ROBO1: variants seen among roughly 807,000 people sequenced by gnomAD.
ROBO1 encodes the protein roundabout guidance receptor 1.
A neutral mutation model predicts 195.9 loss-of-function variants in ROBO1; 149 were observed. The ratio of observed to expected loss-of-function variants is 0.76; its 90% CI spans 0.67 to 0.87. ROBO1 has a LOEUF of 0.87. Among genes scored for constraint, ROBO1 ranks in the 40% least tolerant of loss-of-function variants. The pLI is 0.00. For synonymous variants in ROBO1, 816 were observed against 733.2 expected (o/e 1.11, Z -1.82); for missense variants, 1,933 against 2,068.3 (o/e 0.93, Z 1.27).
At chr3:78,844,734 A>G (rs956548084) in intron 4 of ROBO1, among the ~76,000 whole-genome samples, 3 of 152,104 alleles carry the variant, frequency 2.0e-5, no homozygotes, top group Non-Finnish European at 4.4e-5. Context: ...TTTTAAATGC[A>G]AATTTTTACA....
At chr3:79,201,393 T>C (rs1054740011) in intron 2 of ROBO1, among the ~76,000 whole-genome samples, 3 of 151,986 alleles carry the variant, frequency 2.0e-5, no homozygotes, top group African/African-American at 7.2e-5. Flanking sequence ...AGTACTTTTA[T>C]AGTGCTCATG....
At chr3:79,742,341 C>G (rs1703682492) in intron 1 of ROBO1, among the ~76,000 whole-genome samples, 1 of 152,196 alleles carries the variant, frequency 6.6e-6, no homozygotes, top group Non-Finnish European at 1.5e-5. Context: ...TTTGCAGTCT[C>G]TGGACATAGC....
chr3:79,596,698 A>T (rs2107845342), intron 1 of ROBO1, among the ~76,000 whole-genome samples: 1 of 152,164 alleles, frequency 6.6e-6, no homozygotes, highest in East Asian at 1.9e-4. Context: ...ATATACAGTT[A>T]GCAAATAAAG....
intron 2 of ROBO1, among the ~76,000 whole-genome samples, chr3:79,554,637 A>T (rs1223461717): frequency 2.0e-5 from 3 of 152,042 alleles, no homozygotes; most frequent in African/African-American, 7.2e-5. Flanking sequence ...TGTTGAACAA[A>T]CTCCTGAAAA....
chr3:78,780,615 ACT>A (rs1230619190), intron 4 of ROBO1, among the ~76,000 whole-genome samples: 1 of 151,904 alleles, frequency 6.6e-6, no homozygotes, highest in Non-Finnish European at 1.5e-5. Flanking sequence ...CCCTGTGGAA[ACT>A]CTTTTCACAT....
At chr3:79,086,688 C>A (rs550769299) in intron 3 of ROBO1, among the ~76,000 whole-genome samples, 82 of 152,270 alleles carry the variant, frequency 5.4e-4, no homozygotes, top group Admixed American at 2.2e-3. Flanking sequence ...AGTATGCAGA[C>A]ACCTCAATTC....
intron 10 of ROBO1, among the ~76,000 whole-genome samples, chr3:78,672,594 C>CAAAAAAAAAAAAAAA: frequency 1.4e-5 from 1 of 73,936 alleles, no homozygotes; most frequent in Non-Finnish European, 2.6e-5. Flanking sequence ...GACCCTGTCT[C>CAAAAAAAAAAAAAAA]AAAAAAAAAA....
intron 14 of ROBO1, among the ~76,000 whole-genome samples, chr3:78,663,762 T>C (rs937106612): frequency 2.6e-5 from 4 of 152,184 alleles, no homozygotes; most frequent in African/African-American, 9.7e-5. Context: ...GTATATAGCA[T>C]AGTGCCATAT....
intron 2 of ROBO1, among the ~76,000 whole-genome samples, chr3:79,439,915 G>A (rs1244774036): frequency 6.6e-6 from 1 of 152,050 alleles, no homozygotes; most frequent in Non-Finnish European, 1.5e-5. Flanking sequence ...AATAATCAGG[G>A]AAGAGAGTGA....
chr3:78,762,819 T>C (rs1475816202), intron 4 of ROBO1, among the ~76,000 whole-genome samples: 1 of 152,116 alleles, frequency 6.6e-6, no homozygotes, highest in African/African-American at 2.4e-5. Flanking sequence ...TAAAATGATA[T>C]TATTTCTCTT....
At position 78,851,504 on chromosome 3, in the gene ROBO1, C is replaced by T. The variant is rs189847841; in HGVS notation, c.499+87097G>A. 1.8e-3 allele frequency among the ~76,000 whole-genome samples: 275 copies of T among 152,238 alleles called. 1 individual carries two copies. The highest frequency in any genetic ancestry group is 6.3e-3 in the African/African-American group (262 of 41,546). ...CAGAGTAGCTGTGGATATTATACTC[C>T]ATGGAGAGCACTTGGCACATTTCCT... On this transcript the variant is annotated intron_variant, in intron 4 of 30. Coordinates refer to ENST00000464233, the MANE Select transcript of ROBO1 (RefSeq NM_002941.4).
At chr3:79,597,199 GGT>G (rs1431335568) in intron 1 of ROBO1, among the ~76,000 whole-genome samples, 1 of 151,540 alleles carries the variant, frequency 6.6e-6, no homozygotes, top group Non-Finnish European at 1.5e-5. Context: ...TAGATAATAC[GGT>G]GTGTATAAGT....
chr3:79,006,254 A>T (rs1297180376), intron 3 of ROBO1, among the ~76,000 whole-genome samples: 3 of 120,270 alleles, frequency 2.5e-5, no homozygotes, highest in African/African-American at 7.6e-5. Context: ...TGTAAAATGT[A>T]AATAGCTACC....
intron 1 of ROBO1, among the ~76,000 whole-genome samples, chr3:79,726,019 G>A (rs1576287902): frequency 6.6e-6 from 1 of 152,124 alleles, no homozygotes; most frequent in East Asian, 1.9e-4. Flanking sequence ...CATGGAGGAA[G>A]ACTAAATTCA....
intron 2 of ROBO1, among the ~76,000 whole-genome samples, chr3:79,511,497 T>C (rs1164192017): frequency 6.6e-6 from 1 of 152,164 alleles, no homozygotes; most frequent in Non-Finnish European, 1.5e-5. Context: ...TCATCTTGTT[T>C]CCACCCATTC....
chr3:78,672,669 A>G (rs1398126324), intron 10 of ROBO1, among the ~76,000 whole-genome samples: 1 of 152,088 alleles, frequency 6.6e-6, no homozygotes, highest in East Asian at 1.9e-4. Flanking sequence ...TAGAGAAATG[A>G]AAGTTTTTGA....
chr3:79,012,514 A>T (rs11923198), intron 3 of ROBO1, among the ~76,000 whole-genome samples: 1 of 152,344 alleles, frequency 6.6e-6, no homozygotes, highest in East Asian at 1.9e-4. Context: ...ACAGAATATT[A>T]TTTTCCGGCT....
Position 78,614,784 on chromosome 3 carries a change from AT to A in ROBO1, c.4298del (p.His1433LeufsTer18). ...TTGTGGGCCTAGGGCACTGAGACGC[AT>A]GAAAATGTCGACGGCCTAAGGAGAA... ...MQDAAGRRHF[H>X]ASQCPRPTSP... On this transcript the variant is annotated frameshift_variant, in exon 28 of 31. Transcript: ENST00000464233. LOFTEE classifies it high-confidence loss of function. 1 of 1,611,680 alleles carries A rather than the reference AT, an allele frequency of 6.2e-7. No individual in the cohort carries two copies. Among genetic ancestry groups the A allele is most frequent in the Non-Finnish European group, 8.5e-7 (1 of 1,179,036 alleles).
intron 2 of ROBO1, among the ~76,000 whole-genome samples, chr3:79,580,257 A>G (rs1943616467): frequency 6.6e-6 from 1 of 152,050 alleles, no homozygotes; most frequent in African/African-American, 2.4e-5. Flanking sequence ...AGATCACATG[A>G]GGCCAGGATT....
Sources: allele counts gnomAD v4.1 joint callset (sites outside exome capture counted in the v4.1 genomes callset), GRCh38; gene constraint gnomAD v4.1.1; transcripts MANE v1.5; gene names NCBI Gene and HGNC (gene_info 2026-07-23, HGNC 2026-07-21).